The following FAT2 variants were observed in gnomAD, a reference collection of about 807,000 sequenced individuals.
FAT2 encodes the protein FAT atypical cadherin 2, also known as protocadherin Fat 2.
In FAT2, 150 loss-of-function variants were observed where a neutral mutation model predicts 295.3. The ratio of observed to expected loss-of-function variants is 0.51; its 90% confidence interval spans 0.44 to 0.58. The LOEUF is 0.58. Among genes scored for constraint, FAT2 ranks in the 20% least tolerant of loss-of-function variants. The probability of loss-of-function intolerance (pLI) is 0.00; values close to 1 mark genes in which losing one functional copy is unlikely to be tolerated. For missense variants in FAT2, 4,868 were observed against 5,442.7 expected, an observed-to-expected ratio of 0.89 and a Z score of 3.32; for synonymous variants, 2,026 against 2,150.3, an observed-to-expected ratio of 0.94 and a Z score of 1.60.
At chr5:151,522,223 T>C in intron 18 of FAT2, 137 bp from the exon 19 acceptor site, 1 of 619,814 alleles carries the variant, frequency 1.6e-6, no homozygotes. Flanking sequence ...CATTGTTGCA[T>C]TTAGAAAAAA....
chr5:151,554,750 G>T (rs1296985412), intron 4 of FAT2, 77 bp from the exon 5 acceptor site: 2 of 1,122,366 alleles, frequency 1.8e-6, no homozygotes, highest in Admixed American at 2.0e-5. Context: ...CCTGGAAATA[G>T]TAGTCACTTT....
chr5:151,543,594 A>G lies in FAT2; in HGVS notation c.7533T>C (p.Gly2511=). Residue 2511 remains glycine, a synonymous_variant, in exon 10 of 24, where the codon GGT becomes GGC. Coordinates refer to ENST00000261800, the MANE Select transcript of FAT2 (RefSeq NM_001447.3). The part of the protein sequence containing the change: ...IDLLAIDKDS[G]PYGTIDYTII... Reference sequence around the variant, plus strand: ...TAGTATAATCTATAGTGCCATAGGGACCACTATCTTTGTCTATGGCTAGCA... The same window carrying G: ...TAGTATAATCTATAGTGCCATAGGGGCCACTATCTTTGTCTATGGCTAGCA... The G allele has an allele frequency of 6.2e-7, 1 of 1,614,140 alleles. No homozygotes were observed. The highest frequency in any genetic ancestry group is 8.5e-7 in the Non-Finnish European group (1 of 1,180,018).
In FAT2 at chr5:151,543,838, T is replaced by G; in HGVS notation, c.7289A>C (p.Asn2430Thr). 2 of 1,614,086 alleles carry G rather than the reference T, an allele frequency of 1.2e-6. No homozygotes were observed. The highest frequency in any genetic ancestry group is 1.7e-6 in the Non-Finnish European group (2 of 1,179,994). The change falls in exon 10 of 24, where the codon AAC (asparagine) becomes ACC (threonine). Residue 2430 changes from asparagine (N) to threonine (T), a missense_variant. Asn to Thr is a moderately conservative substitution (Grantham distance 65). Around this residue, in one of 5 missense-constraint regions of FAT2, gnomAD observed 3,297 missense variants for 3,669.4 expected, o/e 0.90. Transcript: ENST00000261800. The part of the protein sequence containing the change: ...SGNQDRHFFI[N>T]SSSGIISMFN... ...CATAGAAATTATTCCCGATGAGCTG[T>G]TAATGAAGAAGTGCCTGTCCTGATT...
At position 151,545,709 on chromosome 5, in the gene FAT2, C is replaced by A. The variant is rs1388274476; in HGVS notation, c.5418G>T (p.Glu1806Asp). The change falls in exon 10 of 24, where the codon GAG becomes GAT. Residue 1806 changes from glutamate to aspartate, a missense_variant. Physicochemically the swap from Glu to Asp is conservative, Grantham distance 45. Coordinates refer to ENST00000261800, the MANE Select transcript of FAT2 (RefSeq NM_001447.3). Reference protein sequence around the residue: ...ANSLLVYKILEPEALKFFKID... With the variant: ...ANSLLVYKILDPEALKFFKID... ...TTTTGAAAAACTTCAAGGCCTCCGG[C>A]TCCAAAATTTTATAGACCAACAAGG... 2.5e-6 allele frequency: 4 copies of A among 1,614,130 alleles called. No individual in the cohort carries two copies. The highest frequency in any genetic ancestry group is 3.4e-6 in the Non-Finnish European group (4 of 1,180,034).
chr5:151,510,519 GTCA>G (rs1180634086), intron 21 of FAT2: 1 of 194,368 alleles, frequency 5.1e-6, no homozygotes, highest in Non-Finnish European at 1.1e-5. Context: ...GTTGGTGACT[GTCA>G]TCATCCTCAT....
chr5:151,572,323 C>T (rs1488865606), intron 1 of FAT2, among the ~76,000 whole-genome samples: 1 of 152,108 alleles, frequency 6.6e-6, no homozygotes, highest in Non-Finnish European at 1.5e-5. Context: ...AACACAATGA[C>T]AGAATGAACG....
At position 151,544,621 on chromosome 5, in the gene FAT2, G is replaced by T. The variant is rs759246897; in HGVS notation, c.6506C>A (p.Pro2169Gln). 1 of 1,614,094 alleles carries T rather than the reference G, an allele frequency of 6.2e-7. No individual in the cohort carries two copies. Among genetic ancestry groups the T allele is most frequent in the Non-Finnish European group, 8.5e-7 (1 of 1,180,014 alleles). ...VLVTVRNKSN[P>Q]LFQSPYYKVR... ...TTTGTAATAAGGACTCTGAAACAGT[G>T]GGTTGGATTTATTTCTCACAGTGAC... is the stretch of plus-strand genomic sequence containing the variant. Residue 2169 changes from proline (P) to glutamine (Q), a missense_variant, in exon 10 of 24, where the codon CCA becomes CAA. Coordinates refer to ENST00000261800, the MANE Select transcript of FAT2 (RefSeq NM_001447.3).
intron 3 of FAT2, among the ~76,000 whole-genome samples, chr5:151,562,121 G>T (rs1285453914): frequency 6.6e-6 from 1 of 152,126 alleles, no homozygotes; most frequent in African/African-American, 2.4e-5. Context: ...AACAGGAAAG[G>T]TTGACAATAA....
intron 13 of FAT2, 104 bp downstream of exon 13, chr5:151,534,305 G>A: frequency 1.2e-6 from 1 of 811,958 alleles, no homozygotes; most frequent in Admixed American, 2.9e-5. Context: ...TCAACAAGGA[G>A]GCACCGCCCT....
At chr5:151,549,226 C>A in intron 9 of FAT2, 69 bp downstream of exon 9, 1 of 1,455,536 alleles carries the variant, frequency 6.9e-7, no homozygotes, top group South Asian at 1.2e-5. Context: ...CGAATTCATG[C>A]CTCTAGTGCT....
chr5:151,512,248 AG>A lies in FAT2; in HGVS notation c.11821del (p.Leu3941SerfsTer94). The A allele has an allele frequency of 6.2e-7, 1 of 1,614,194 alleles. No individual in the cohort carries two copies. The highest frequency in any genetic ancestry group is 8.5e-7 in the Non-Finnish European group (1 of 1,180,036). Reference sequence around the variant, plus strand: ...GTCACTGTGGAGGCAGCACTGGGTGAGGGCTTGTGTCTCCAGCAAGCCTGCC... The same window carrying A: ...GTCACTGTGGAGGCAGCACTGGGTGAGGCTTGTGTCTCCAGCAAGCCTGCC... ...TVAGLLETQA[L>X]TQCCLHSDYC... On this transcript the variant is annotated frameshift_variant, in exon 21 of 24. Transcript: ENST00000261800. LOFTEE classifies it high-confidence loss of function. The surrounding 1 kb of genome is among the most constrained non-coding windows in gnomAD (Gnocchi z 4.1).
In FAT2 at chr5:151,567,839, C is replaced by G. The variant is rs370781457; in HGVS notation, c.1093G>C (p.Ala365Pro). The change falls in exon 2 of 24, where the codon GCT (alanine) becomes CCT (proline). Residue 365 changes from alanine (A) to proline (P), a missense_variant. Ala to Pro is a conservative substitution (Grantham distance 27). Transcript: ENST00000261800. ...SKLSSLKFEK[A>P]VYRVQLSEFS... is the part of the protein sequence containing the mutation. ...TCACTAAGCTGCACTCTGTAAACAG[C>G]CTTCTCGAATTTGAGGGAAGACAGT... The G allele has an allele frequency of 1.9e-6, 3 of 1,614,010 alleles. No individual in the cohort carries two copies. Among genetic ancestry groups the G allele is most frequent in the African/African-American group, 2.7e-5 (2 of 74,906 alleles).
Position 151,567,266 on chromosome 5 carries a change from T to G in FAT2, c.1666A>C (p.Asn556His), listed in dbSNP as rs200688818. 3.1e-4 allele frequency: 506 copies of G among 1,614,030 alleles called. 2 individuals carry two copies. The highest frequency in any genetic ancestry group is 4.0e-4 in the Non-Finnish European group (472 of 1,180,046). Reference protein sequence around the residue: ...KEVSIFLQLRNLNDNQPMFEE... With the variant: ...KEVSIFLQLRHLNDNQPMFEE... ...AACATAGGCTGGTTGTCATTCAAGT[T>G]CCTGAGCTGAAGAAAAATGGACACT... is the stretch of plus-strand genomic sequence containing the variant. The change falls in exon 2 of 24, where the codon AAC becomes CAC. Residue 556 changes from asparagine to histidine, a missense_variant. Coordinates refer to ENST00000261800, the MANE Select transcript of FAT2 (RefSeq NM_001447.3).
chr5:151,531,693 C>A lies in FAT2; in HGVS notation c.9705G>T (p.Thr3235=), dbSNP rs537852650. The stretch of plus-strand genomic sequence containing the variant: ...TGAGGGTGGCCAGCTGCAGCACCTC[C>A]GTGCCAGGTGGGGCGTCCTCGGGCA... The part of the protein sequence containing the change: ...VQVPEDAPPG[T]EVLQLATLTR... The change falls in exon 14 of 24, where the codon ACG becomes ACT. Residue 3235 remains threonine (T), a synonymous_variant. Coordinates refer to ENST00000261800, the MANE Select transcript of FAT2 (RefSeq NM_001447.3). The surrounding 1 kb of genome is among the most constrained non-coding windows in gnomAD (Gnocchi z 5.7). The A allele has an allele frequency of 6.2e-7, 1 of 1,613,876 alleles. No homozygotes were observed. Among genetic ancestry groups the A allele is most frequent in the East Asian group, 2.2e-5 (1 of 44,870 alleles).
chr5:151,588,123 G>A lies in FAT2; in HGVS notation c.-21+3042C>T, dbSNP rs531714901. On this transcript the variant is annotated intron_variant, in intron 1 of 23. Coordinates refer to ENST00000261800, the MANE Select transcript of FAT2 (RefSeq NM_001447.3). ...TGGCAATAGTGATGGAGTGGTGTGTGTGTATGTGTGTGTGGGTGTATGTGT... is the reference window on the plus strand; with the variant it reads ...TGGCAATAGTGATGGAGTGGTGTGTATGTATGTGTGTGTGGGTGTATGTGT... Among the ~76,000 whole-genome samples, 5 of 152,264 alleles carry A rather than the reference G, an allele frequency of 3.3e-5. No homozygotes were observed. In the East Asian group the frequency reaches 9.6e-4, roughly 29 times the overall value.
chr5:151,536,895 C>T (rs1015416251), intron 12 of FAT2, among the ~76,000 whole-genome samples: 1 of 152,236 alleles, frequency 6.6e-6, no homozygotes, highest in Non-Finnish European at 1.5e-5. Context: ...TCTCTCCTCC[C>T]TCTCTGGGCA....
At chr5:151,564,845 G>A (rs955435433) in intron 2 of FAT2, among the ~76,000 whole-genome samples, 1 of 152,064 alleles carries the variant, frequency 6.6e-6, no homozygotes, top group Admixed American at 6.6e-5. Flanking sequence ...GGCCAAGACG[G>A]GTGGATCACC....
chr5:151,569,092 A>G lies in FAT2; in HGVS notation c.-20-141T>C, dbSNP rs1469679. The G allele has an allele frequency of 0.96, 735,630 of 766,166 alleles. 353,370 individuals are homozygous for G. Among genetic ancestry groups the G allele is most frequent in the East Asian group, 1 (37,090 of 37,096 alleles). The allele number at this position is 766,166 out of a possible 1,614,324, so 47.5% of individuals were successfully genotyped here. A position where few individuals can be genotyped will look rare whatever the true frequency, so the allele number is the denominator to read the frequency against. ...ATACTTTTGGCTGACCCAGCTTGGG[A>G]GTGGTGGTGCTAATGGCATCTGGCA... On this transcript the variant is annotated intron_variant, in intron 1 of 23. Transcript: ENST00000261800.
In FAT2 at chr5:151,543,629, C is replaced by T; in HGVS notation, c.7498G>A (p.Val2500Met). ...LAENAMVGTK[V>M]IDLLAIDKDS... ...TTGTCTATGGCTAGCAAATCAATCACCTTGGTTCCAACCATTGCATTCTCT... is the reference window on the plus strand; with the variant it reads ...TTGTCTATGGCTAGCAAATCAATCATCTTGGTTCCAACCATTGCATTCTCT... Residue 2500 changes from valine (V) to methionine (M), a missense_variant, in exon 10 of 24, where the codon GTG (valine) becomes ATG (methionine). Physicochemically the swap from Val to Met is conservative, Grantham distance 21 (BLOSUM62 1). Coordinates refer to ENST00000261800, the MANE Select transcript of FAT2 (RefSeq NM_001447.3). The T allele has an allele frequency of 6.2e-7, 1 of 1,614,160 alleles. No homozygotes were observed. The highest frequency in any genetic ancestry group is 8.5e-7 in the Non-Finnish European group (1 of 1,180,032).
Sources: gnomAD v4.1 joint callset for allele counts (sites outside exome capture counted in the v4.1 genomes callset) on GRCh38, gnomAD v4.1.1 for gene constraint, gnomAD v4.1.1 regional missense constraint, Gnocchi (gnomAD v3.1) non-coding constraint, MANE v1.5 for transcripts, NCBI Gene and HGNC (gene_info 2026-07-23, HGNC 2026-07-21) for gene names.